The following DCLK1 variants were observed in gnomAD, a reference collection of about 807,000 sequenced individuals.
DCLK1 encodes the protein serine/threonine-protein kinase DCLK1.
DCLK1 carries 16 observed loss-of-function variants against 86.2 expected under a neutral mutation model. The ratio of observed to expected loss-of-function variants is 0.19; its 90% CI spans 0.13 to 0.28. The LOEUF (loss-of-function observed/expected upper bound fraction) is 0.28, where lower values mean the gene tolerates loss of function less well. Ranked by LOEUF, DCLK1 falls within the 10% of genes least tolerant of loss-of-function variation. The probability of loss-of-function intolerance (pLI) is 1.00; values close to 1 mark genes in which losing one functional copy is unlikely to be tolerated. For synonymous variants in DCLK1, 369 were observed against 370.5 expected (o/e 1.00, Z 0.05); for missense variants, 590 against 940.2 (o/e 0.63, Z 4.87).
At chr13:35,848,394 C>T in intron 6 of DCLK1, 4 of 984,808 alleles carry the variant, frequency 4.1e-6, no homozygotes, top group Non-Finnish European at 4.8e-6. Flanking sequence ...AAATGGTGTG[C>T]TGTTTCAATC....
At chr13:35,793,828 T>C (rs2086752095) in intron 15 of DCLK1, among the ~76,000 whole-genome samples, 1 of 152,106 alleles carries the variant, frequency 6.6e-6, no homozygotes, top group South Asian at 2.1e-4. Context: ...AGAAAAAAAA[T>C]TCAATGTGAA....
chr13:35,806,764 A>T (rs955133982), intron 14 of DCLK1, among the ~76,000 whole-genome samples: 3 of 152,212 alleles, frequency 2.0e-5, no homozygotes, highest in Non-Finnish European at 4.4e-5. Context: ...GTGAGCCCTC[A>T]GATCCTGCAG....
intron 3 of DCLK1, among the ~76,000 whole-genome samples, chr13:36,008,037 G>C (rs1234326190): frequency 6.6e-6 from 1 of 150,746 alleles, no homozygotes; most frequent in Non-Finnish European, 1.5e-5. Flanking sequence ...TTCTTCTTAT[G>C]AACAAAATAT....
Position 35,994,014 on chromosome 13 carries a change from T to C in DCLK1, c.724-46557A>G, listed in dbSNP as rs114735637. 9.7e-3 allele frequency among the ~76,000 whole-genome samples: 1,479 copies of C among 152,142 alleles called. 22 individuals carry two copies. The highest frequency in any genetic ancestry group is 0.033 in the African/African-American group (1,370 of 41,494). ...AGCGTTTCAGACTCTTTCAAGTACT[T>C]TTCTCTCATCTGCAAAACATCCTTT... On this transcript the variant is annotated intron_variant, in intron 3 of 16. Coordinates refer to ENST00000360631, the MANE Select transcript of DCLK1 (RefSeq NM_001330071.2).
intron 3 of DCLK1, among the ~76,000 whole-genome samples, chr13:36,017,405 G>A (rs916625212): frequency 6.6e-6 from 1 of 152,128 alleles, no homozygotes; most frequent in African/African-American, 2.4e-5. Context: ...ATAACCTTTG[G>A]AATTAAATAA....
At chr13:36,056,052 G>A (rs1455651211) in intron 3 of DCLK1, among the ~76,000 whole-genome samples, 1 of 147,850 alleles carries the variant, frequency 6.8e-6, no homozygotes, top group African/African-American at 2.5e-5. Flanking sequence ...GTGGAAGTCA[G>A]TGTGGCGATT....
intron 3 of DCLK1, among the ~76,000 whole-genome samples, chr13:35,966,221 C>T (rs1878725287): frequency 6.6e-6 from 1 of 152,160 alleles, no homozygotes; most frequent in South Asian, 2.1e-4. Context: ...TGGAAAACAG[C>T]ATGCTGATTT....
chr13:35,811,300 T>A (rs563928376), intron 11 of DCLK1, among the ~76,000 whole-genome samples: 48 of 152,158 alleles, frequency 3.2e-4, no homozygotes, highest in African/African-American at 1.1e-3. Context: ...TTCAGATTGG[T>A]TTTTATAAAA....
At chr13:36,059,868 C>CTTTTTTTTTTTTTTTT (rs57867541) in intron 3 of DCLK1, among the ~76,000 whole-genome samples, 1 of 140,324 alleles carries the variant, frequency 7.1e-6, no homozygotes, top group Non-Finnish European at 1.5e-5. Context: ...ACTTAAATCT[C>CTTTTTTTTTTTTTTTT]TTTTTTTTTT....
chr13:35,784,208 A>G (rs1008930667), intron 16 of DCLK1, among the ~76,000 whole-genome samples: 1 of 152,230 alleles, frequency 6.6e-6, no homozygotes. Flanking sequence ...TTTTCAGTCA[A>G]TCTAGAATCA....
intron 3 of DCLK1, among the ~76,000 whole-genome samples, chr13:35,977,614 AT>A (rs1879414076): frequency 6.6e-6 from 1 of 152,084 alleles, no homozygotes; most frequent in African/African-American, 2.4e-5. Flanking sequence ...ATTCCACACA[AT>A]ACCTTGAATA....
chr13:35,811,062 T>C, intron 11 of DCLK1, 94 bp from the exon 12 acceptor site: 3 of 1,492,106 alleles, frequency 2.0e-6, no homozygotes, highest in Non-Finnish European at 2.7e-6. Flanking sequence ...AAATTTAATG[T>C]ATAGGAGGTA....
rs1216622199 is a variant in DCLK1, at chr13:36,070,488, T to C, written c.723+41381A>G. On this transcript the variant is annotated intron_variant, in intron 3 of 16. Transcript: ENST00000360631. ...TCTATTAGGTTAGGTTAGATATTTA[T>C]CAAACAAGGTCACACTAATTTCAAG... is the stretch of plus-strand genomic sequence containing the variant. 2.0e-5 allele frequency among the ~76,000 whole-genome samples: 3 copies of C among 152,222 alleles called. No individual in the cohort carries two copies. The East Asian group carries it at 5.8e-4, about 29-fold the overall frequency.
At chr13:35,954,990 A>C (rs147249329) in intron 3 of DCLK1, among the ~76,000 whole-genome samples, 1 of 152,140 alleles carries the variant, frequency 6.6e-6, no homozygotes, top group Non-Finnish European at 1.5e-5. Context: ...GAAAAAGTCA[A>C]TTATGGAATT....
At chr13:36,086,033 G>T (rs1012491716) in intron 3 of DCLK1, among the ~76,000 whole-genome samples, 13 of 152,254 alleles carry the variant, frequency 8.5e-5, no homozygotes, top group Middle Eastern at 6.8e-3. Context: ...TCACCACAGG[G>T]TTAGACACTT....
intron 5 of DCLK1, among the ~76,000 whole-genome samples, chr13:35,860,248 C>T (rs1871303202): frequency 6.6e-6 from 1 of 151,714 alleles, no homozygotes; most frequent in African/African-American, 2.4e-5. Flanking sequence ...GCTGTTCATT[C>T]CCTAAAATCT....
At chr13:36,074,513 A>C (rs1376963970) in intron 3 of DCLK1, among the ~76,000 whole-genome samples, 4 of 115,450 alleles carry the variant, frequency 3.5e-5, no homozygotes, top group African/African-American at 9.3e-5. Flanking sequence ...AAAAAAAAAA[A>C]AAAACAGAGA....
At chr13:35,908,611 A>G (rs1003229769) in intron 4 of DCLK1, among the ~76,000 whole-genome samples, 1 of 152,148 alleles carries the variant, frequency 6.6e-6, no homozygotes, top group Non-Finnish European at 1.5e-5. Flanking sequence ...AGCTCCTATT[A>G]TGGATTTCAG....
At chr13:35,778,332 T>A (rs1379177896) in intron 16 of DCLK1, among the ~76,000 whole-genome samples, 2 of 152,186 alleles carry the variant, frequency 1.3e-5, no homozygotes, top group East Asian at 3.9e-4. Flanking sequence ...CTCAAAATGA[T>A]CCTATGGCAT....
Sources: gnomAD v4.1 joint callset for allele counts (sites outside exome capture counted in the v4.1 genomes callset) on GRCh38, gnomAD v4.1.1 for gene constraint, MANE v1.5 for transcripts, NCBI Gene and HGNC (gene_info 2026-07-23, HGNC 2026-07-21) for gene names.